SORCS1: variants seen among roughly 807,000 people sequenced by gnomAD.
The protein encoded by SORCS1 is VPS10 domain-containing receptor SorCS1.
In SORCS1, 60 loss-of-function variants were observed where a neutral mutation model predicts 146.1. That is an observed-to-expected ratio of 0.41 (90% CI 0.33 to 0.51). The LOEUF is 0.51. SORCS1 is among the 20% of genes least tolerant of loss of function. The pLI is 0.21. For missense variants in SORCS1, 1,352 were observed against 1,487.6 expected (o/e 0.91, Z 1.50); for synonymous variants, 637 against 584.0 (o/e 1.09, Z -1.31).
chr10:106,686,503 C>T (rs536121539), intron 10 of SORCS1, among the ~76,000 whole-genome samples: 14 of 152,302 alleles, frequency 9.2e-5, no homozygotes, highest in Admixed American at 7.8e-4. Flanking sequence ...TTTGGTTAAG[C>T]AGCACTACGC....
chr10:106,665,104 A>C (rs1387232183), intron 17 of SORCS1, among the ~76,000 whole-genome samples: 1 of 152,218 alleles, frequency 6.6e-6, no homozygotes, highest in Non-Finnish European at 1.5e-5. Context: ...AGGAATCCCT[A>C]ACATCAGAAA....
chr10:106,911,279 C>G (rs1258482558), intron 2 of SORCS1, among the ~76,000 whole-genome samples: 1 of 152,192 alleles, frequency 6.6e-6, no homozygotes, highest in Non-Finnish European at 1.5e-5. Flanking sequence ...CATAAGCTCC[C>G]TGGTTGATGT....
At chr10:106,626,859 C>G in intron 19 of SORCS1, among the ~76,000 whole-genome samples, 1 of 152,234 alleles carries the variant, frequency 6.6e-6, no homozygotes, top group Middle Eastern at 3.4e-3. Flanking sequence ...AAAAGCCAGG[C>G]TTAGAAAGAA....
chr10:107,172,868 A>G, the SORCS1 span, among the ~76,000 whole-genome samples: 2 of 152,242 alleles, frequency 1.3e-5, no homozygotes, highest in East Asian at 3.8e-4. Context: ...ACCTATTGCT[A>G]TTAGCTGAAG....
At chr10:107,089,624 AAATT>A (rs895234985) in intron 1 of SORCS1, among the ~76,000 whole-genome samples, 1 of 152,226 alleles carries the variant, frequency 6.6e-6, no homozygotes, top group African/African-American at 2.4e-5. Context: ...TTATATAAAT[AAATT>A]AAGGAAGGAA....
intron 5 of SORCS1, among the ~76,000 whole-genome samples, chr10:106,757,294 A>T (rs1288706909): frequency 6.6e-6 from 1 of 152,144 alleles, no homozygotes; most frequent in Non-Finnish European, 1.5e-5. Flanking sequence ...GTTATTACCC[A>T]TGGTAACTTA....
At chr10:106,792,398 T>C (rs1468602047) in intron 3 of SORCS1, among the ~76,000 whole-genome samples, 1 of 152,256 alleles carries the variant, frequency 6.6e-6, no homozygotes, top group Non-Finnish European at 1.5e-5. Context: ...TTTGTTAAAC[T>C]GCTATTTCAA....
Position 107,140,378 on chromosome 10 carries a change from T to C in SORCS1, c.558+23591A>G, listed in dbSNP as rs113157337. ...TAATTTCATGACATGTGCAGTTTTA[T>C]TGTCAGCAATAATTCCACAATATCA... is the stretch of plus-strand genomic sequence containing the variant. On this transcript the variant is annotated intron_variant, in intron 1 of 25. Transcript: ENST00000263054. Among the ~76,000 whole-genome samples the C allele has an allele frequency of 4.7e-3, 713 of 152,370 alleles. 7 individuals are homozygous for C. Among genetic ancestry groups the C allele is most frequent in the African/African-American group, 0.016 (663 of 41,584 alleles).
intron 18 of SORCS1, among the ~76,000 whole-genome samples, chr10:106,633,639 G>A (rs947137501): frequency 7.3e-5 from 11 of 151,684 alleles, no homozygotes; most frequent in Admixed American, 5.3e-4. Flanking sequence ...CCAATTTGGA[G>A]GTATTCTAGG....
chr10:106,663,465 A>G (rs1366958176), intron 17 of SORCS1, among the ~76,000 whole-genome samples: 1 of 152,184 alleles, frequency 6.6e-6, no homozygotes, highest in East Asian at 1.9e-4. Flanking sequence ...GCTTTTAAAC[A>G]TATAAAACAT....
chr10:106,771,081 A>AT (rs1859984271), intron 4 of SORCS1, among the ~76,000 whole-genome samples: 1 of 152,196 alleles, frequency 6.6e-6, no homozygotes, highest in Non-Finnish European at 1.5e-5. Flanking sequence ...GACAGCGTTC[A>AT]TGTTGGTTTC....
intron 5 of SORCS1, among the ~76,000 whole-genome samples, chr10:106,759,633 TTTACC>T (rs1338371471): frequency 1.4e-4 from 21 of 152,256 alleles, no homozygotes; most frequent in Non-Finnish European, 2.2e-4. Context: ...TGTTTTCAAT[TTTACC>T]CACCCATTCC....
chr10:107,125,785 C>G (rs918640705), intron 1 of SORCS1, among the ~76,000 whole-genome samples: 1 of 152,146 alleles, frequency 6.6e-6, no homozygotes, highest in Non-Finnish European at 1.5e-5. Flanking sequence ...CTACTAATAA[C>G]TGAAGTTTAA....
rs1231014448 is a variant in SORCS1, at chr10:106,679,265, G to A, written c.1731C>T (p.Thr577=). The A allele has an allele frequency of 6.2e-7, 1 of 1,612,596 alleles. No homozygotes were observed. Among genetic ancestry groups the A allele is most frequent in the Non-Finnish European group, 8.5e-7 (1 of 1,179,076 alleles). ...CAGGGTATTTTCTTACCTGTCTCCA[G>A]GTGTTCCCTGCATCTGAAGAGACAA... ...SMFVSSDAGN[T]WRQIFEEEHS... is the part of the protein sequence containing the mutation. Residue 577 remains threonine (T), a synonymous_variant, in exon 12 of 26, where the codon ACC becomes ACT. Coordinates refer to ENST00000263054, the MANE Select transcript of SORCS1 (RefSeq NM_052918.5).
rs906332335 is a variant in SORCS1 at position 107,008,417 on chromosome 10, C to T, written c.559-51837G>A. Among the ~76,000 whole-genome samples, 10 of 152,076 alleles carry T rather than the reference C, an allele frequency of 6.6e-5. No individual in the cohort carries two copies. The East Asian group carries it at 9.6e-4, about 15-fold the overall frequency. ...AACATGTAAATGTTATTTAAAAGAG[C>T]GTGCAAAGATAATTCAAATACCTTG... On this transcript the variant is annotated intron_variant, in intron 1 of 25. Coordinates refer to ENST00000263054, the MANE Select transcript of SORCS1 (RefSeq NM_052918.5).
intron 10 of SORCS1, among the ~76,000 whole-genome samples, chr10:106,686,267 A>G (rs770985939): frequency 6.6e-6 from 1 of 152,160 alleles, no homozygotes; most frequent in Non-Finnish European, 1.5e-5. Flanking sequence ...CTGATATTAC[A>G]TTTATATTTT....
At chr10:106,994,882 T>C (rs1383484987) in intron 1 of SORCS1, among the ~76,000 whole-genome samples, 5 of 152,230 alleles carry the variant, frequency 3.3e-5, no homozygotes. Context: ...TTCCACCGTT[T>C]CTGCATAGAA....
the SORCS1 span, among the ~76,000 whole-genome samples, chr10:107,173,880 T>A: frequency 6.6e-6 from 1 of 152,218 alleles, no homozygotes; most frequent in Non-Finnish European, 1.5e-5. Context: ...GAATTTTCTA[T>A]TCTCCTTAAT....
At chr10:106,994,408 G>A (rs2139529789) in intron 1 of SORCS1, among the ~76,000 whole-genome samples, 1 of 152,242 alleles carries the variant, frequency 6.6e-6, no homozygotes, top group East Asian at 1.9e-4. Context: ...TCAGTGCTAA[G>A]TAATCCGGGA....
Sources: allele counts gnomAD v4.1 joint callset (sites outside exome capture counted in the v4.1 genomes callset), GRCh38; gene constraint gnomAD v4.1.1; transcripts MANE v1.5; gene names NCBI Gene and HGNC (gene_info 2026-07-23, HGNC 2026-07-21).